Variants in IQCM observed in about 807,000 individuals in gnomAD.
IQCM encodes the protein IQ motif containing M, also known as IQ domain-containing protein M.
A neutral mutation model predicts 57.6 loss-of-function variants in IQCM; 45 were observed. The observed-to-expected ratio is 0.78, with a 90% confidence interval of 0.62 to 1.00. The LOEUF (loss-of-function observed/expected upper bound fraction) is 1.00, where lower values mean the gene tolerates loss of function less well. Among genes scored for constraint, IQCM ranks in the 50% least tolerant of loss-of-function variants. The pLI, the probability that IQCM is intolerant of heterozygous loss-of-function variation, is 0.00. For synonymous variants in IQCM, 148 were observed against 158.9 expected, an observed-to-expected ratio of 0.93 and a Z score of 0.51; for missense variants, 468 against 511.6, an observed-to-expected ratio of 0.91 and a Z score of 0.82.
intron 5 of IQCM, among the ~76,000 whole-genome samples, chr4:149,695,983 A>C (rs1424099668): frequency 3.3e-5 from 5 of 152,210 alleles, no homozygotes; most frequent in Non-Finnish European, 7.4e-5. Flanking sequence ...AAAGATTTTT[A>C]ACTTAGATTA....
At chr4:149,784,655 C>T (rs1181206854) in intron 2 of IQCM, among the ~76,000 whole-genome samples, 1 of 152,142 alleles carries the variant, frequency 6.6e-6, no homozygotes, top group Non-Finnish European at 1.5e-5. Context: ...ACCTCGTGAT[C>T]CACCCGCCTC....
chr4:149,745,382 A>T (rs1767832191), intron 2 of IQCM, among the ~76,000 whole-genome samples: 1 of 152,220 alleles, frequency 6.6e-6, no homozygotes, highest in African/African-American at 2.4e-5. Context: ...CAAGCCTTGA[A>T]CAAGGCTTGG....
At chr4:149,406,295 A>G (rs1236798606) in intron 13 of IQCM, among the ~76,000 whole-genome samples, 1 of 152,146 alleles carries the variant, frequency 6.6e-6, no homozygotes, top group East Asian at 1.9e-4. Context: ...GCTAGGGTAT[A>G]GTAGTGAGCC....
At chr4:149,782,448 C>T (rs1355674877) in intron 2 of IQCM, among the ~76,000 whole-genome samples, 1 of 151,936 alleles carries the variant, frequency 6.6e-6, no homozygotes, top group Non-Finnish European at 1.5e-5. Flanking sequence ...TCTCTCTCTA[C>T]AATTTTTTTT....
chr4:149,671,737 C>T (rs1761306648), intron 7 of IQCM, among the ~76,000 whole-genome samples: 1 of 151,984 alleles, frequency 6.6e-6, no homozygotes, highest in Non-Finnish European at 1.5e-5. Context: ...CGTTATGTAC[C>T]CAGTAGTCAT....
intron 9 of IQCM, among the ~76,000 whole-genome samples, chr4:149,579,521 G>T (rs1249524480): frequency 1.3e-5 from 2 of 151,780 alleles, no homozygotes; most frequent in Non-Finnish European, 2.9e-5. Context: ...ACATTCTGAT[G>T]CCTCGTGACT....
chr4:149,656,799 A>T (rs1759677548), intron 7 of IQCM, among the ~76,000 whole-genome samples: 1 of 151,806 alleles, frequency 6.6e-6, no homozygotes, highest in South Asian at 2.1e-4. Flanking sequence ...TGAACTGGAC[A>T]TTTTTTTTCC....
intron 13 of IQCM, among the ~76,000 whole-genome samples, chr4:149,368,071 ATTTG>A (rs950089236): frequency 6.6e-6 from 1 of 152,020 alleles, no homozygotes; most frequent in Non-Finnish European, 1.5e-5. Context: ...ATATTTATAG[ATTTG>A]TTTATATTAT....
chr4:149,421,443 C>A (rs1366607322), intron 13 of IQCM, among the ~76,000 whole-genome samples: 1 of 151,876 alleles, frequency 6.6e-6, no homozygotes, highest in African/African-American at 2.4e-5. Flanking sequence ...TCTTCCCATC[C>A]ATAAATAAAA....
intron 13 of IQCM, among the ~76,000 whole-genome samples, chr4:149,403,843 T>G (rs767023967): frequency 1.3e-5 from 2 of 152,020 alleles, no homozygotes; most frequent in Admixed American, 1.3e-4. Flanking sequence ...GATAATACAT[T>G]ATGGAAAAGC....
intron 13 of IQCM, among the ~76,000 whole-genome samples, chr4:149,421,661 T>C (rs1212652506): frequency 6.6e-6 from 1 of 151,984 alleles, no homozygotes; most frequent in Non-Finnish European, 1.5e-5. Flanking sequence ...TTTCCCACAG[T>C]ATGCAAATGC....
chr4:149,448,958 T>C (rs72955416), intron 12 of IQCM, among the ~76,000 whole-genome samples: 2,772 of 151,854 alleles, frequency 0.018, 59 homozygotes, highest in African/African-American at 0.055. Flanking sequence ...GAAGGAATGT[T>C]TCCCAATTCA....
chr4:149,378,636 G>T (rs112179580), intron 13 of IQCM, among the ~76,000 whole-genome samples: 1,714 of 152,176 alleles, frequency 0.011, 25 homozygotes, highest in African/African-American at 0.031. Context: ...GCATTCAAGT[G>T]GTGACTTGGG....
At chr4:149,401,612 G>A (rs1732625345) in intron 13 of IQCM, among the ~76,000 whole-genome samples, 1 of 151,906 alleles carries the variant, frequency 6.6e-6, no homozygotes, top group South Asian at 2.1e-4. Flanking sequence ...TACCTTTGCT[G>A]TGAAGATGAC....
At chr4:149,726,588 C>A (rs1003774049) in intron 5 of IQCM, among the ~76,000 whole-genome samples, 2 of 152,030 alleles carry the variant, frequency 1.3e-5, no homozygotes, top group African/African-American at 2.4e-5. Context: ...CCTCAATGAT[C>A]TTATCTAAGT....
chr4:149,494,423 A>G lies in IQCM; in HGVS notation c.1228+54032T>C, dbSNP rs193023375. Among the ~76,000 whole-genome samples the G allele has an allele frequency of 2.6e-5, 4 of 152,242 alleles. No homozygotes were observed. The East Asian group carries it at 7.7e-4, about 29-fold the overall frequency. On this transcript the variant is annotated intron_variant, in intron 12 of 13. Transcript: ENST00000636793. ...TTGCCTTCAGTAATTTCAATACACT[A>G]AAGTCCCTAATGAGATTGTACTTTT...
chr4:149,433,739 C>G lies in IQCM; in HGVS notation c.1229-182G>C, dbSNP rs562825223. ...TCTTCTTGTTAATTCCAAGCAAAAACTAAAGAGTAAGGGCTTTACTAATAC... is the reference window on the plus strand; with the variant it reads ...TCTTCTTGTTAATTCCAAGCAAAAAGTAAAGAGTAAGGGCTTTACTAATAC... On this transcript the variant is annotated intron_variant, in intron 12 of 13. Transcript: ENST00000636793. 1.6e-4 allele frequency among the ~76,000 whole-genome samples: 24 copies of G among 151,700 alleles called. No individual in the cohort carries two copies. In the South Asian group the frequency reaches 5.0e-3, roughly 31 times the overall value.
intron 13 of IQCM, among the ~76,000 whole-genome samples, chr4:149,364,165 C>G (rs1417049061): frequency 6.6e-6 from 1 of 152,038 alleles, no homozygotes; most frequent in East Asian, 1.9e-4. Flanking sequence ...GTAAAATGAC[C>G]AGGCACCCTT....
At chr4:149,580,484 T>C (rs1468253440) in intron 9 of IQCM, among the ~76,000 whole-genome samples, 1 of 151,850 alleles carries the variant, frequency 6.6e-6, no homozygotes, top group South Asian at 2.1e-4. Flanking sequence ...TCATTTTCTT[T>C]ATTTTAATTT....
Sources: gnomAD v4.1 joint callset for allele counts (sites outside exome capture counted in the v4.1 genomes callset) on GRCh38, gnomAD v4.1.1 for gene constraint, MANE v1.5 for transcripts, NCBI Gene and HGNC (gene_info 2026-07-23, HGNC 2026-07-21) for gene names.